UBR2: variants seen among roughly 807,000 people sequenced by gnomAD.
The protein encoded by UBR2 is ubiquitin protein ligase E3 component n-recognin 2.
In UBR2, 92 loss-of-function variants were observed where a neutral mutation model predicts 247.9. That is an observed-to-expected ratio of 0.37 (90% CI 0.31 to 0.44). The LOEUF (loss-of-function observed/expected upper bound fraction) is 0.44, where lower values mean the gene tolerates loss of function less well. Ranked by LOEUF, UBR2 falls within the 20% of genes least tolerant of loss-of-function variation. The pLI, the probability that UBR2 is intolerant of heterozygous loss-of-function variation, is 1.00. For missense variants in UBR2, 1,613 were observed against 2,112.6 expected, an observed-to-expected ratio of 0.76 and a Z score of 4.64; for synonymous variants, 672 against 693.5, an observed-to-expected ratio of 0.97 and a Z score of 0.49.
intron 25 of UBR2, among the ~76,000 whole-genome samples, chr6:42,654,556 C>A (rs982111306): frequency 6.6e-6 from 1 of 152,136 alleles, no homozygotes; most frequent in African/African-American, 2.4e-5. Context: ...AAAACCCCAT[C>A]TCTACTAAAA....
intron 14 of UBR2, 38 bp from the exon 15 acceptor site, chr6:42,636,973 A>T: frequency 6.3e-7 from 1 of 1,589,450 alleles, no homozygotes; most frequent in Non-Finnish European, 8.6e-7. Context: ...TAAAAACTCA[A>T]CCTTTTGAGT....
chr6:42,667,351 A>G (rs2151979890), intron 34 of UBR2, among the ~76,000 whole-genome samples: 1 of 151,376 alleles, frequency 6.6e-6, no homozygotes, highest in Non-Finnish European at 1.5e-5. Context: ...AAAAAAAAAG[A>G]AAAAGAAAAA....
chr6:42,662,461 T>C (rs1170676497), intron 31 of UBR2, among the ~76,000 whole-genome samples, 184 bp downstream of exon 31: 1 of 152,236 alleles, frequency 6.6e-6, no homozygotes, highest in Non-Finnish European at 1.5e-5. Flanking sequence ...ATGTCAGATA[T>C]GTTTTTTAAT....
chr6:42,658,711 A>G lies in UBR2; in HGVS notation c.3129A>G (p.Glu1043=), dbSNP rs780343107. The stretch of plus-strand genomic sequence containing the variant: ...CAGAGATTGCCAGACTGCGCAGAGA[A>G]AAGATCATGGCTCAGATGTCTGAAA... ...RKAEIARLRR[E]KIMAQMSEMQ... is the part of the protein sequence containing the mutation. Residue 1043 remains glutamate (E), a synonymous_variant, in exon 29 of 47, where the codon GAA becomes GAG. Transcript: ENST00000372901. The G allele has an allele frequency of 6.2e-7, 1 of 1,613,824 alleles. No homozygotes were observed. The highest frequency in any genetic ancestry group is 1.1e-5 in the South Asian group (1 of 91,032).
rs937229355 is a variant in UBR2, at chr6:42,582,475, A to G, written c.338+8482A>G. 1.1e-4 allele frequency among the ~76,000 whole-genome samples: 16 copies of G among 152,244 alleles called. No homozygotes were observed. In the East Asian group the frequency reaches 2.5e-3, roughly 24 times the overall value. On this transcript the variant is annotated intron_variant, in intron 2 of 46. Transcript: ENST00000372901. ...TTAATTTTTCTTGGATAAATTCCTA[A>G]GAGTGGAATTTCTGGGTAAAAGGGC...
At chr6:42,676,997 C>A in intron 40 of UBR2, 124 bp downstream of exon 40, 1 of 757,676 alleles carries the variant, frequency 1.3e-6, no homozygotes, top group Non-Finnish European at 2.2e-6. Flanking sequence ...TAAAATAAGA[C>A]GTGGAGTGAT....
At chr6:42,642,627 C>T in intron 18 of UBR2, 146 bp downstream of exon 18, 1 of 643,704 alleles carries the variant, frequency 1.6e-6, no homozygotes, top group Non-Finnish European at 2.8e-6. Context: ...ATATGGCTAA[C>T]AGCCTTTAGA....
At chr6:42,666,142 T>C in intron 33 of UBR2, 25 bp from the exon 34 acceptor site, 1 of 1,570,078 alleles carries the variant, frequency 6.4e-7, no homozygotes, top group Non-Finnish European at 8.7e-7. Context: ...TATTGAATAA[T>C]AGTATAAAAT....
chr6:42,580,081 C>T (rs1029724822), intron 2 of UBR2, among the ~76,000 whole-genome samples: 1 of 151,800 alleles, frequency 6.6e-6, no homozygotes, highest in Non-Finnish European at 1.5e-5. Context: ...CAAGGAATAC[C>T]CTGCACATGT....
At chr6:42,586,136 G>T (rs1006558104) in intron 2 of UBR2, among the ~76,000 whole-genome samples, 6 of 152,046 alleles carry the variant, frequency 3.9e-5, no homozygotes, top group Non-Finnish European at 7.4e-5. Context: ...GGGCTAAACT[G>T]GGTGGATAGC....
chr6:42,583,420 T>C (rs181951469), intron 2 of UBR2, among the ~76,000 whole-genome samples: 228 of 152,208 alleles, frequency 1.5e-3, no homozygotes, highest in Non-Finnish European at 2.9e-3. Context: ...ACTAATTTTC[T>C]ATTTTTAGTA....
At position 42,574,020 on chromosome 6, in the gene UBR2, G is replaced by C. The variant is rs773035472; in HGVS notation, c.338+27G>C. The C allele has an allele frequency of 6.6e-6, 10 of 1,522,856 alleles. 1 individual carries two copies. The South Asian group carries it at 1.3e-4, about 20-fold the overall frequency. The allele number at this position is 1,522,856 out of a possible 1,614,324, so 94.3% of individuals were successfully genotyped here. A position where few individuals can be genotyped will look rare whatever the true frequency, so the allele number is the denominator to read the frequency against. ...TAAAATATTTTAATTTTCTTTCTAG[G>C]AGGCTCTTGTTTTATTTGACCTCTT... On this transcript the variant is annotated intron_variant, in intron 2 of 46. Transcript: ENST00000372901.
At chr6:42,590,401 C>G (rs920638405) in intron 2 of UBR2, among the ~76,000 whole-genome samples, 1 of 152,096 alleles carries the variant, frequency 6.6e-6, no homozygotes, top group South Asian at 2.1e-4. Context: ...CTTTACTTTT[C>G]TTTATATGAA....
intron 17 of UBR2, 47 bp downstream of exon 17, chr6:42,641,739 TTC>T (rs2151958469): frequency 1.3e-6 from 2 of 1,508,142 alleles, no homozygotes; most frequent in East Asian, 4.7e-5. Flanking sequence ...CATTCTTGGC[TTC>T]TGTGAAGGTT....
intron 16 of UBR2, 40 bp from the exon 17 acceptor site, chr6:42,641,542 T>TG: frequency 1.4e-6 from 2 of 1,469,004 alleles, no homozygotes; most frequent in East Asian, 2.4e-5. Context: ...TATGTGTGTG[T>TG]TTTTTTTGTT....
At position 42,647,417 on chromosome 6, in the gene UBR2, TAAAAAAAAA is replaced by T. The variant is rs750938791; in HGVS notation, c.2410-680_2410-672del. Among the ~76,000 whole-genome samples the T allele has an allele frequency of 3.8e-3, 386 of 102,174 alleles. 5 individuals carry two copies. The highest frequency in any genetic ancestry group is 0.011 in the Middle Eastern group (2 of 178). 67.0% of individuals were successfully genotyped at this position (102,174 alleles called of 152,430 possible). ...CAACACAGTTAAACCCCATCGCTACTAAAAAAAAAAAAAAAAAAAAAAAAAAAAATTAGC... is the reference window on the plus strand; with the variant it reads ...CAACACAGTTAAACCCCATCGCTACTAAAAAAAAAAAAAAAAAAAATTAGC... On this transcript the variant is annotated intron_variant, in intron 21 of 46. Coordinates refer to ENST00000372901, the MANE Select transcript of UBR2 (RefSeq NM_001363705.2).
At chr6:42,661,809 G>C (rs950197871) in intron 30 of UBR2, among the ~76,000 whole-genome samples, 1 of 152,118 alleles carries the variant, frequency 6.6e-6, no homozygotes, top group African/African-American at 2.4e-5. Flanking sequence ...TGCCCTGAAC[G>C]CACATAAGGC....
chr6:42,657,498 C>T (rs746399478), intron 26 of UBR2, among the ~76,000 whole-genome samples: 5 of 152,200 alleles, frequency 3.3e-5, no homozygotes, highest in African/African-American at 7.2e-5. Flanking sequence ...TCCAGAATGG[C>T]AGCACCAAAA....
At position 42,659,210 on chromosome 6, in the gene UBR2, TC is replaced by T. The variant is rs1430234970; in HGVS notation, c.3242+388del. Among the ~76,000 whole-genome samples the T allele has an allele frequency of 6.6e-6, 1 of 152,088 alleles. No individual in the cohort carries two copies. Among genetic ancestry groups the T allele is most frequent in the African/African-American group, 2.4e-5 (1 of 41,396 alleles). On this transcript the variant is annotated intron_variant, in intron 29 of 46. Transcript: ENST00000372901. This position sits in a 1 kb window ranked among gnomAD's most constrained non-coding sequence, Gnocchi z 4.3. ...AAAACCATGTGTTAAATATATACAT[TC>T]CTGGCTGTGCGTGGTGGCTCACGCC...
Sources: gnomAD v4.1 joint callset for allele counts (sites outside exome capture counted in the v4.1 genomes callset) on GRCh38, gnomAD v4.1.1 for gene constraint, Gnocchi (gnomAD v3.1) non-coding constraint, MANE v1.5 for transcripts, NCBI Gene and HGNC (gene_info 2026-07-23, HGNC 2026-07-21) for gene names.